ZBBX: variants seen among roughly 807,000 people sequenced by gnomAD.
The protein encoded by ZBBX is zinc finger B-box domain containing, also known as zinc finger B-box domain-containing protein 1.
A neutral mutation model predicts 108.5 loss-of-function variants in ZBBX; 101 were observed. The ratio of observed to expected loss-of-function variants is 0.93; its 90% CI spans 0.79 to 1.10. The LOEUF (loss-of-function observed/expected upper bound fraction) is 1.10. Ranked by LOEUF, ZBBX falls within the 50% of genes least tolerant of loss-of-function variation. The pLI is 0.00. For synonymous variants in ZBBX, 356 were observed against 323.4 expected (o/e 1.10, Z -1.08); for missense variants, 1,009 against 941.4 (o/e 1.07, Z -0.94).
intron 20 of ZBBX, among the ~76,000 whole-genome samples, chr3:167,281,109 TG>T (rs1728733691): frequency 6.6e-6 from 1 of 151,168 alleles, no homozygotes; most frequent in African/African-American, 2.4e-5. Context: ...TGTTGTGGGG[TG>T]GGGGTAGGGG....
the ZBBX span, among the ~76,000 whole-genome samples, chr3:167,179,003 A>T: frequency 4.6e-5 from 7 of 152,324 alleles, no homozygotes; most frequent in South Asian, 1.2e-3. Flanking sequence ...AGAGAAAAAC[A>T]TAGAGAGAGC....
intron 9 of ZBBX, among the ~76,000 whole-genome samples, chr3:167,345,722 T>C (rs979104249): frequency 4.0e-5 from 6 of 151,730 alleles, no homozygotes; most frequent in African/African-American, 1.5e-4. Flanking sequence ...TACTTTAAAT[T>C]TCATATGGAA....
At chr3:167,213,124 T>C in the ZBBX span, among the ~76,000 whole-genome samples, 1 of 152,150 alleles carries the variant, frequency 6.6e-6, no homozygotes, top group East Asian at 1.9e-4. Flanking sequence ...GTAACTCAAA[T>C]GGCCAGAGTG....
At chr3:167,252,714 T>C (rs1722828178) in intron 20 of ZBBX, among the ~76,000 whole-genome samples, 1 of 152,184 alleles carries the variant, frequency 6.6e-6, no homozygotes, top group South Asian at 2.1e-4. Flanking sequence ...ATATAAAAAG[T>C]TATGTGTTCT....
chr3:167,329,814 A>G (rs1738111669), intron 10 of ZBBX, among the ~76,000 whole-genome samples: 1 of 152,178 alleles, frequency 6.6e-6, no homozygotes, highest in Admixed American at 6.6e-5. Context: ...AACCCATTGG[A>G]CATGTAAAAC....
intron 9 of ZBBX, among the ~76,000 whole-genome samples, chr3:167,335,215 A>G (rs1044791297): frequency 3.3e-5 from 5 of 152,168 alleles, no homozygotes; most frequent in African/African-American, 1.2e-4. Flanking sequence ...TATGGCTACT[A>G]CAGTTTCTGG....
At chr3:167,263,831 A>G (rs1725012480) in intron 20 of ZBBX, among the ~76,000 whole-genome samples, 1 of 152,190 alleles carries the variant, frequency 6.6e-6, no homozygotes. Flanking sequence ...GTCTCCAGCT[A>G]TTATTGTATT....
chr3:167,400,783 G>T (rs976747093), intron 1 of ZBBX, among the ~76,000 whole-genome samples: 1 of 151,984 alleles, frequency 6.6e-6, no homozygotes, highest in Non-Finnish European at 1.5e-5. Context: ...ACATTGATTG[G>T]TCCAGAAAAG....
intron 1 of ZBBX, among the ~76,000 whole-genome samples, chr3:167,404,367 A>G (rs141463142): frequency 3.6e-4 from 55 of 152,316 alleles, no homozygotes; most frequent in Middle Eastern, 3.4e-3. Context: ...ATTCATAGTT[A>G]TAGTAGGAAA....
At chr3:167,344,651 C>T (rs1420694973) in intron 9 of ZBBX, among the ~76,000 whole-genome samples, 1 of 151,494 alleles carries the variant, frequency 6.6e-6, no homozygotes, top group African/African-American at 2.4e-5. Flanking sequence ...GGTATTCTTG[C>T]AGGAGTTCAA....
At chr3:167,340,710 G>T (rs992952928) in intron 9 of ZBBX, among the ~76,000 whole-genome samples, 2 of 151,818 alleles carry the variant, frequency 1.3e-5, no homozygotes, top group African/African-American at 4.8e-5. Flanking sequence ...AGAAAGGGTT[G>T]GGGGGTGCAG....
chr3:167,334,462 T>C (rs549538887), intron 9 of ZBBX, among the ~76,000 whole-genome samples: 1 of 152,110 alleles, frequency 6.6e-6, no homozygotes, highest in African/African-American at 2.4e-5. Flanking sequence ...TAGTCTCCGC[T>C]ACTCGGGAGG....
At chr3:167,245,205 A>T (rs1481026485) in intron 20 of ZBBX, among the ~76,000 whole-genome samples, 1 of 152,110 alleles carries the variant, frequency 6.6e-6, no homozygotes, top group Non-Finnish European at 1.5e-5. Context: ...CGAGGTCAGG[A>T]GATCAAGACC....
At chr3:167,345,845 T>C (rs1385396555) in intron 9 of ZBBX, among the ~76,000 whole-genome samples, 1 of 151,934 alleles carries the variant, frequency 6.6e-6, no homozygotes. Flanking sequence ...CAAAACTGCA[T>C]GGAAATTCTA....
intron 8 of ZBBX, among the ~76,000 whole-genome samples, chr3:167,358,052 G>C (rs1289021922): frequency 6.6e-6 from 1 of 151,994 alleles, no homozygotes; most frequent in African/African-American, 2.4e-5. Flanking sequence ...AGCTTTAGGA[G>C]ATATACCTAA....
chr3:167,393,471 T>A (rs1203147000), intron 1 of ZBBX, among the ~76,000 whole-genome samples: 1 of 151,874 alleles, frequency 6.6e-6, no homozygotes, highest in Non-Finnish European at 1.5e-5. Flanking sequence ...TTACCAAAAT[T>A]GCTTATTTGG....
intron 20 of ZBBX, among the ~76,000 whole-genome samples, chr3:167,277,664 C>T (rs1269761051): frequency 6.6e-6 from 1 of 151,968 alleles, no homozygotes; most frequent in Non-Finnish European, 1.5e-5. Flanking sequence ...ACTTTAACAC[C>T]CCACTGTCAA....
chr3:167,353,425 T>A (rs944614272), intron 8 of ZBBX, among the ~76,000 whole-genome samples: 1 of 151,980 alleles, frequency 6.6e-6, no homozygotes, highest in Non-Finnish European at 1.5e-5. Flanking sequence ...TACTTGTAAG[T>A]GGGAGAGCTA....
In ZBBX at chr3:167,298,453, T is replaced by C; in HGVS notation, c.1731A>G (p.Leu577=). 6.7e-7 allele frequency: 1 copy of C among 1,491,840 alleles called. No homozygotes were observed. Among genetic ancestry groups the C allele is most frequent in the East Asian group, 2.4e-5 (1 of 41,662 alleles). The allele number at this position is 1,491,840 out of a possible 1,614,324, so 92.4% of individuals were successfully genotyped here. The part of the protein sequence containing the change: ...ESKTTKSSLL[L]QEIACRSKPI... ...GCTTACTTCTGCAGGCTATTTCTTG[T>C]AACAACTAAGAAACAAAATATTCAA... The change falls in exon 18 of 22, where the codon TTA becomes TTG. Residue 577 remains leucine, a synonymous_variant. Transcript: ENST00000675490.
Sources: allele counts gnomAD v4.1 joint callset (sites outside exome capture counted in the v4.1 genomes callset), GRCh38; gene constraint gnomAD v4.1.1; transcripts MANE v1.5; gene names NCBI Gene and HGNC (gene_info 2026-07-23, HGNC 2026-07-21).